Variants in DIAPH2 observed in about 807,000 individuals in gnomAD.
DIAPH2 encodes the protein diaphanous related formin 2.
In DIAPH2, 35 loss-of-function variants were observed where a neutral mutation model predicts 92.7. The observed-to-expected ratio is 0.38, with a 90% CI of 0.29 to 0.50. The LOEUF (loss-of-function observed/expected upper bound fraction) is 0.50, where lower values mean the gene tolerates loss of function less well. Among genes scored for constraint, DIAPH2 ranks in the 20% least tolerant of loss-of-function variants. DIAPH2 has a pLI of 0.94. For synonymous variants in DIAPH2, 301 were observed against 280.4 expected, an observed-to-expected ratio of 1.07 and a Z score of -0.73; for missense variants, 701 against 819.5, an observed-to-expected ratio of 0.86 and a Z score of 1.77.
intron 17 of DIAPH2, among the ~76,000 whole-genome samples, chrX:97,023,142 T>C (rs748277532): frequency 6.2e-4 from 69 of 112,015 alleles, no homozygotes; most frequent in South Asian, 1.1e-3. Context: ...CTAACTCTTA[T>C]TAGTAGTTTG....
chrX:97,205,981 AG>A (rs931177494), intron 22 of DIAPH2, among the ~76,000 whole-genome samples: 15 of 111,885 alleles, frequency 1.3e-4, no homozygotes, highest in Non-Finnish European at 2.8e-4. Context: ...GCCATAAAAA[AG>A]AATGAGATCA....
Position 96,711,740 on chromosome X carries a change from C to CT in DIAPH2, c.133-24008dup, listed in dbSNP as rs1201397145. The stretch of plus-strand genomic sequence containing the variant: ...GAGATAGTATATGAGGTAAAGACAA[C>CT]TTTTTTTTTTACTTTTTTTCATTTT... On this transcript the variant is annotated intron_variant, in intron 1 of 26. Coordinates refer to ENST00000324765, the MANE Select transcript of DIAPH2 (RefSeq NM_006729.5). Among the ~76,000 whole-genome samples the CT allele has an allele frequency of 3.6e-4, 39 of 107,164 alleles. No homozygotes were observed. The East Asian group carries it at 5.2e-3, about 14-fold the overall frequency. The allele number at this position is 107,164 out of a possible 115,157, so 93.1% of individuals were successfully genotyped here.
chrX:97,105,988 AT>A (rs1412393792), intron 20 of DIAPH2, among the ~76,000 whole-genome samples: 1 of 111,200 alleles, frequency 9.0e-6, no homozygotes, highest in South Asian at 3.8e-4. Context: ...GTGCTTTTTA[AT>A]TTTTTTAAAG....
chrX:97,386,015 A>G (rs1391980509), intron 25 of DIAPH2, among the ~76,000 whole-genome samples: 1 of 111,850 alleles, frequency 8.9e-6, no homozygotes, highest in African/African-American at 3.2e-5. Context: ...TATAACAATC[A>G]TTATCAAGTA....
At chrX:97,178,848 T>A (rs2067516454) in intron 22 of DIAPH2, among the ~76,000 whole-genome samples, 1 of 110,855 alleles carries the variant, frequency 9.0e-6, no homozygotes, top group Admixed American at 9.7e-5. Flanking sequence ...TAAAATGGTT[T>A]GAGGGAGTGG....
intron 17 of DIAPH2, among the ~76,000 whole-genome samples, chrX:96,988,745 T>C (rs1283593873): frequency 9.0e-6 from 1 of 111,668 alleles, no homozygotes; most frequent in African/African-American, 3.2e-5. Context: ...CTTTGTTTGA[T>C]TGGACTGTAG....
intron 25 of DIAPH2, among the ~76,000 whole-genome samples, chrX:97,426,797 T>C (rs1427687162): frequency 5.3e-5 from 6 of 112,317 alleles, no homozygotes; most frequent in Non-Finnish European, 1.1e-4. Context: ...AAATATGTAC[T>C]AGATTTCTAA....
At chrX:96,833,979 T>C (rs1227992908) in intron 4 of DIAPH2, among the ~76,000 whole-genome samples, 2 of 111,762 alleles carry the variant, frequency 1.8e-5, no homozygotes, top group Non-Finnish European at 3.8e-5. Context: ...TATTAACATA[T>C]ATACATACAC....
intron 17 of DIAPH2, among the ~76,000 whole-genome samples, chrX:97,049,429 AAGTT>A (rs1243276182): frequency 2.7e-5 from 3 of 110,901 alleles, no homozygotes; most frequent in Non-Finnish European, 5.7e-5. Context: ...CTACCTCAGA[AAGTT>A]AGTTAAACAG....
chrX:97,455,261 A>G (rs1393404108), intron 26 of DIAPH2, among the ~76,000 whole-genome samples: 1 of 112,287 alleles, frequency 8.9e-6, no homozygotes, highest in Non-Finnish European at 1.9e-5. Context: ...TAAATTATGC[A>G]ATATTATTAT....
intron 17 of DIAPH2, among the ~76,000 whole-genome samples, chrX:97,001,293 C>T (rs1476942378): frequency 8.9e-6 from 1 of 111,934 alleles, no homozygotes; most frequent in Non-Finnish European, 1.9e-5. Flanking sequence ...TTTCAATTAA[C>T]TTACATAATA....
intron 5 of DIAPH2, among the ~76,000 whole-genome samples, chrX:96,893,079 TTAAC>T (rs1412065313): frequency 8.9e-6 from 1 of 111,973 alleles, no homozygotes; most frequent in Non-Finnish European, 1.9e-5. Context: ...ATGAACTAAT[TTAAC>T]TAAAGGTCTT....
At chrX:97,414,129 C>T (rs2069912345) in intron 25 of DIAPH2, among the ~76,000 whole-genome samples, 1 of 111,730 alleles carries the variant, frequency 9.0e-6, no homozygotes, top group Non-Finnish European at 1.9e-5. Context: ...AAGCTGGAGG[C>T]ATCACACTAC....
intron 26 of DIAPH2, among the ~76,000 whole-genome samples, chrX:97,571,624 T>A (rs1308394680): frequency 9.0e-6 from 1 of 111,288 alleles, no homozygotes; most frequent in Non-Finnish European, 1.9e-5. Flanking sequence ...TTAAAGAAAT[T>A]CTTTTATAGA....
intron 23 of DIAPH2, among the ~76,000 whole-genome samples, chrX:97,322,286 T>C (rs1182922630): frequency 8.9e-6 from 1 of 112,454 alleles, no homozygotes; most frequent in Non-Finnish European, 1.9e-5. Flanking sequence ...TTTAATGCAA[T>C]TTAAAAAATG....
intron 24 of DIAPH2, among the ~76,000 whole-genome samples, chrX:97,362,465 C>T (rs755707129): frequency 6.2e-4 from 70 of 112,030 alleles, no homozygotes; most frequent in Non-Finnish European, 8.8e-4. Flanking sequence ...AAATAGAAAA[C>T]ATTACCCATT....
chrX:97,207,894 C>G (rs1330585830), intron 22 of DIAPH2, among the ~76,000 whole-genome samples: 1 of 111,502 alleles, frequency 9.0e-6, no homozygotes, highest in Non-Finnish European at 1.9e-5. Context: ...CAGCTCGCGC[C>G]TATAATCCCA....
intron 14 of DIAPH2, among the ~76,000 whole-genome samples, chrX:96,947,363 C>A (rs917372346): frequency 1.3e-4 from 14 of 111,005 alleles, no homozygotes; most frequent in African/African-American, 4.6e-4. Context: ...TGAGATAAAT[C>A]TTAACACGGA....
At chrX:97,392,886 T>C (rs1451385852) in intron 25 of DIAPH2, among the ~76,000 whole-genome samples, 1 of 111,750 alleles carries the variant, frequency 8.9e-6, no homozygotes, top group Admixed American at 9.6e-5. Flanking sequence ...ATTTGGCCTA[T>C]TACCAGTCCC....
Sources: gnomAD v4.1 joint callset for allele counts (sites outside exome capture counted in the v4.1 genomes callset) on GRCh38, gnomAD v4.1.1 for gene constraint, MANE v1.5 for transcripts, NCBI Gene and HGNC (gene_info 2026-07-23, HGNC 2026-07-21) for gene names.